The following KIN variants were observed in gnomAD, a reference collection of about 807,000 sequenced individuals.
The protein encoded by KIN is Kin17 DNA and RNA binding protein, also known as DNA/RNA-binding protein KIN17.
In KIN, 47 loss-of-function variants were observed where a neutral mutation model predicts 63.0. The observed-to-expected ratio is 0.75, with a 90% CI of 0.59 to 0.95. The LOEUF (loss-of-function observed/expected upper bound fraction) is 0.95, where lower values mean the gene tolerates loss of function less well. KIN is among the 40% of genes least tolerant of loss of function. KIN has a pLI of 0.00. For synonymous variants in KIN, 160 were observed against 157.7 expected, an observed-to-expected ratio of 1.01 and a Z score of -0.11; for missense variants, 408 against 460.9, an observed-to-expected ratio of 0.89 and a Z score of 1.05.
chr10:7,779,994 C>CA, intron 4 of KIN, 62 bp downstream of exon 4: 1 of 1,551,428 alleles, frequency 6.4e-7, no homozygotes, highest in South Asian at 1.1e-5. Context: ...TTATCCCAAA[C>CA]ATCTCATCCT....
intron 8 of KIN, among the ~76,000 whole-genome samples, chr10:7,767,164 C>T (rs1705092267): frequency 6.6e-6 from 1 of 152,132 alleles, no homozygotes; most frequent in African/African-American, 2.4e-5. Context: ...AAATCCCTGT[C>T]ACAGCATGTA....
chr10:7,783,567 T>C (rs4363498), intron 1 of KIN, among the ~76,000 whole-genome samples: 126,154 of 152,170 alleles, frequency 0.83, 52,409 homozygotes, highest in East Asian at 0.87. Flanking sequence ...TAGTGAATTT[T>C]CACCACAGAA....
rs148071933 is a variant in KIN, at chr10:7,769,185, A to C, written c.798+31T>G. On this transcript the variant is annotated intron_variant, in intron 8 of 12. Transcript: ENST00000379562. ...AATGATTTAATTTTCCTTGGGTTCTAAGGTGTCCACACGCAATCCATAAAC... is the reference window on the plus strand; with the variant it reads ...AATGATTTAATTTTCCTTGGGTTCTCAGGTGTCCACACGCAATCCATAAAC... 6.8e-5 allele frequency: 107 copies of C among 1,577,544 alleles called. No homozygotes were observed. In the African/African-American group the frequency reaches 1.3e-3, roughly 20 times the overall value.
At chr10:7,786,322 C>T (rs1836005593) in intron 1 of KIN, among the ~76,000 whole-genome samples, 1 of 152,048 alleles carries the variant, frequency 6.6e-6, no homozygotes, top group South Asian at 2.1e-4. Context: ...AGAAAAGTAT[C>T]CTGAAATTTT....
chr10:7,756,538 C>T (rs1835336185), intron 12 of KIN, among the ~76,000 whole-genome samples: 1 of 152,178 alleles, frequency 6.6e-6, no homozygotes, highest in African/African-American at 2.4e-5. Flanking sequence ...ATCTGCCAAG[C>T]TCCTTTTGCC....
intron 5 of KIN, 73 bp from the exon 6 acceptor site, chr10:7,775,872 G>T: frequency 2.4e-6 from 2 of 826,228 alleles, no homozygotes; most frequent in South Asian, 3.3e-5. Context: ...CCTAAATTAT[G>T]ACTTGCTACC....
At position 7,755,895 on chromosome 10, in the gene KIN, A is replaced by G. The variant is rs1835323137; in HGVS notation, c.*185T>C. Reference sequence around the variant, plus strand: ...AACAAGGACAAAATTACATAGTTTGATACCTCATGAGACATAATTAAATTC... The same window carrying G: ...AACAAGGACAAAATTACATAGTTTGGTACCTCATGAGACATAATTAAATTC... On this transcript the variant is annotated 3_prime_UTR_variant, in exon 13 of 13. Transcript: ENST00000379562. 4.8e-6 allele frequency: 2 copies of G among 420,792 alleles called. No homozygotes were observed. The highest frequency in any genetic ancestry group is 8.3e-5 in the Admixed American group (2 of 24,116). 26.1% of individuals were successfully genotyped at this position (420,792 alleles called of 1,614,324 possible). A position where few individuals can be genotyped will look rare whatever the true frequency, so the allele number is the denominator to read the frequency against.
chr10:7,759,964 C>G lies in KIN; in HGVS notation c.1045G>C (p.Gly349Arg), dbSNP rs1835407950. 6.6e-7 allele frequency: 1 copy of G among 1,525,786 alleles called. No individual in the cohort carries two copies. Among genetic ancestry groups the G allele is most frequent in the Non-Finnish European group, 8.8e-7 (1 of 1,133,576 alleles). 94.5% of individuals were successfully genotyped at this position (1,525,786 alleles called of 1,614,324 possible). The change falls in exon 12 of 13, where the codon GGC (glycine) becomes CGC (arginine). Residue 349 changes from glycine to arginine, a missense_variant. Coordinates refer to ENST00000379562, the MANE Select transcript of KIN (RefSeq NM_012311.4). ...PGKRILVLNG[G>R]YRGNEGTLES... ...AGGGTACCTTCATTTCCTCTGTAGC[C>G]TCCATTTAAAACTAGAATTCTTTTT...
At position 7,762,516 on chromosome 10, in the gene KIN, T is replaced by G. The variant is rs769931046; in HGVS notation, c.959A>C (p.Asp320Ala). The stretch of plus-strand genomic sequence containing the variant: ...GTCAAGTTTCAGCTTGTCTCCAGAA[T>G]CAATCATCTTCACAACAGCTGTATA... The part of the protein sequence containing the change: ...DKYTAVVKMI[D>A]SGDKLKLDQT... Residue 320 changes from aspartate (D) to alanine (A), a missense_variant, in exon 11 of 13, where the codon GAT becomes GCT. By Grantham distance (126) the Asp-to-Ala change is moderately radical (BLOSUM62 -2). Transcript: ENST00000379562. 6.2e-7 allele frequency: 1 copy of G among 1,611,696 alleles called. No homozygotes were observed.
rs11255348 is a variant in KIN at position 7,764,435 on chromosome 10, G to A, written c.850-644C>T. Reference sequence around the variant, plus strand: ...TACCATTTTTTCCTGATTTGGATTAGTTGTCTAAAAGCTAATAATGAAAAT... The same window carrying A: ...TACCATTTTTTCCTGATTTGGATTAATTGTCTAAAAGCTAATAATGAAAAT... On this transcript the variant is annotated intron_variant, in intron 9 of 12. Coordinates refer to ENST00000379562, the MANE Select transcript of KIN (RefSeq NM_012311.4). 4.2e-3 allele frequency among the ~76,000 whole-genome samples: 647 copies of A among 152,242 alleles called. 16 individuals carry two copies. The East Asian group carries it at 0.05, about 12-fold the overall frequency.
At chr10:7,767,629 G>A (rs1229083006) in intron 8 of KIN, among the ~76,000 whole-genome samples, 2 of 152,084 alleles carry the variant, frequency 1.3e-5, no homozygotes, top group East Asian at 1.9e-4. Context: ...AGGCCGAAGC[G>A]GGTGGATCAC....
chr10:7,756,839 CAACTTT>C (rs1251162542), intron 12 of KIN, among the ~76,000 whole-genome samples: 5 of 152,092 alleles, frequency 3.3e-5, no homozygotes, highest in Admixed American at 6.5e-5. Context: ...AAAAAGAGTC[CAACTTT>C]AACTTTATTT....
rs909404299 is a variant in KIN, at chr10:7,753,012, T to C, written c.*3068A>G. 1 of 152,188 alleles carries C rather than the reference T, an allele frequency of 6.6e-6. No individual in the cohort carries two copies. Among genetic ancestry groups the C allele is most frequent in the African/African-American group, 2.4e-5 (1 of 41,464 alleles). The allele number at this position is 152,188 out of a possible 1,614,324, so 9.4% of individuals were successfully genotyped here. A position where few individuals can be genotyped will look rare whatever the true frequency, so the allele number is the denominator to read the frequency against. On this transcript the variant is annotated 3_prime_UTR_variant, in exon 13 of 13. Transcript: ENST00000379562. The stretch of plus-strand genomic sequence containing the variant: ...AGTGGCAGATGCATGTCATTATACA[T>C]TTGTCAAAACCCACAGAGACTGCTC...
Position 7,773,767 on chromosome 10 carries a change from T to C in KIN, c.668+1064A>G, listed in dbSNP as rs139835240. The stretch of plus-strand genomic sequence containing the variant: ...ACAACATGTAAAGTACTAAGTAAAA[T>C]AGAAAATATCATCTGGCTTAAAAGC... On this transcript the variant is annotated intron_variant, in intron 7 of 12. Coordinates refer to ENST00000379562, the MANE Select transcript of KIN (RefSeq NM_012311.4). 1.6e-3 allele frequency among the ~76,000 whole-genome samples: 244 copies of C among 152,178 alleles called. 1 individual carries two copies. The highest frequency in any genetic ancestry group is 5.7e-3 in the African/African-American group (235 of 41,528).
Position 7,769,262 on chromosome 10 carries a change from G to C in KIN, c.752C>G (p.Ser251Cys), listed in dbSNP as rs757464089. The C allele has an allele frequency of 1.2e-6, 2 of 1,613,204 alleles. No individual in the cohort carries two copies. The highest frequency in any genetic ancestry group is 4.5e-5 in the East Asian group (2 of 44,842). ...AGATTTCTTTTTCTTCTTTTCTTTA[G>C]ACTGAGTTGAGCTCTGGGAAGATTC... ...RKESSQSSTQ[S>C]KEKKKKKSAL... The change falls in exon 8 of 13, where the codon TCT becomes TGT. Residue 251 changes from serine to cysteine, a missense_variant. Transcript: ENST00000379562.
At chr10:7,773,848 T>C (rs1054217492) in intron 7 of KIN, among the ~76,000 whole-genome samples, 1 of 152,206 alleles carries the variant, frequency 6.6e-6, no homozygotes, top group Non-Finnish European at 1.5e-5. Context: ...TTTTTTAACC[T>C]CCATAACAAA....
At chr10:7,768,908 T>C (rs1174714683) in intron 8 of KIN, among the ~76,000 whole-genome samples, 2 of 151,568 alleles carry the variant, frequency 1.3e-5, no homozygotes. Flanking sequence ...TCCCAGCTAC[T>C]TGGGAGGCTG....
chr10:7,760,820 T>C (rs1226989030), intron 11 of KIN, among the ~76,000 whole-genome samples: 1 of 152,188 alleles, frequency 6.6e-6, no homozygotes, highest in Non-Finnish European at 1.5e-5. Flanking sequence ...CATTCACTGG[T>C]GGTCTTGGAA....
Position 7,754,043 on chromosome 10 carries a change from A to G in KIN, c.*2037T>C, listed in dbSNP as rs1484633043. On this transcript the variant is annotated 3_prime_UTR_variant, in exon 13 of 13. Coordinates refer to ENST00000379562, the MANE Select transcript of KIN (RefSeq NM_012311.4). ...TTGTTTGAACTCTTGTAGAAGATCA[A>G]CTCAGGCAAGGCGTGGTAGCTCACA... is the stretch of plus-strand genomic sequence containing the variant. 5 of 455,862 alleles carry G rather than the reference A, an allele frequency of 1.1e-5. No homozygotes were observed. The highest frequency in any genetic ancestry group is 6.2e-5 in the South Asian group (4 of 64,554). The allele number at this position is 455,862 out of a possible 1,614,324, so 28.2% of individuals were successfully genotyped here.
Sources: allele counts gnomAD v4.1 joint callset (sites outside exome capture counted in the v4.1 genomes callset), GRCh38; gene constraint gnomAD v4.1.1; transcripts MANE v1.5; gene names NCBI Gene and HGNC (gene_info 2026-07-23, HGNC 2026-07-21).